The following CSNK1G1 variants were observed in gnomAD, a reference collection of about 807,000 sequenced individuals.
The protein encoded by CSNK1G1 is casein kinase 1 gamma 1.
In CSNK1G1, 22 loss-of-function variants were observed where a neutral mutation model predicts 59.6. The ratio of observed to expected loss-of-function variants is 0.37; its 90% CI spans 0.26 to 0.53. CSNK1G1 has a LOEUF of 0.53. Among genes scored for constraint, CSNK1G1 ranks in the 20% least tolerant of loss-of-function variants. The pLI is 0.89. For synonymous variants in CSNK1G1, 179 were observed against 177.1 expected (o/e 1.01, Z -0.08); for missense variants, 384 against 519.5 (o/e 0.74, Z 2.54).
intron 2 of CSNK1G1, among the ~76,000 whole-genome samples, chr15:64,286,699 A>G (rs1386446751): frequency 2.0e-5 from 3 of 152,178 alleles, no homozygotes; most frequent in Non-Finnish European, 2.9e-5. Context: ...TGTTAAATGA[A>G]TAAATGGCTA....
intron 6 of CSNK1G1, among the ~76,000 whole-genome samples, chr15:64,208,840 C>A (rs1026189438): frequency 4.6e-5 from 7 of 151,956 alleles, no homozygotes; most frequent in African/African-American, 1.7e-4. Flanking sequence ...CCAGTCCATG[C>A]ATTCATTTTG....
At chr15:64,259,286 G>T (rs765003805) in intron 2 of CSNK1G1, 45 bp from the exon 3 acceptor site, 68 of 1,471,050 alleles carry the variant, frequency 4.6e-5, no homozygotes, top group Non-Finnish European at 6.1e-5. Context: ...CATTTATTCT[G>T]GGAAAAGCAA....
At position 64,179,876 on chromosome 15, in the gene CSNK1G1, T is replaced by C. The variant is rs576444545; in HGVS notation, c.1214+472A>G. 3.9e-5 allele frequency among the ~76,000 whole-genome samples: 6 copies of C among 152,328 alleles called. No individual in the cohort carries two copies. In the East Asian group the frequency reaches 9.6e-4, roughly 24 times the overall value. ...TGCAGACTATAATATTTTTCTTGCC[T>C]GACTTAGTCTCTCTGAAGCCAGAAT... On this transcript the variant is annotated intron_variant, in intron 11 of 11. Coordinates refer to ENST00000303052, the MANE Select transcript of CSNK1G1 (RefSeq NM_022048.5).
Position 64,297,262 on chromosome 15 carries a change from A to C in CSNK1G1, c.181+3057T>G, listed in dbSNP as rs1338764042. Among the ~76,000 whole-genome samples, 3 of 152,056 alleles carry C rather than the reference A, an allele frequency of 2.0e-5. No individual in the cohort carries two copies. The South Asian group carries it at 6.2e-4, about 32-fold the overall frequency. ...GCTAGAGAAGAAACGTGCTATTTTA[A>C]ATGAGAATGAGGAACAAGTGATAGA... On this transcript the variant is annotated intron_variant, in intron 2 of 11. Transcript: ENST00000303052.
rs985907506 is a variant in CSNK1G1 at position 64,232,485 on chromosome 15, T to C, written c.293-15772A>G. On this transcript the variant is annotated intron_variant, in intron 4 of 11. Transcript: ENST00000303052. Reference sequence around the variant, plus strand: ...CTAGTTAAGTTTTAATATAATACAGTAGATACATAATTCTGCCTTCTCATA... The same window carrying C: ...CTAGTTAAGTTTTAATATAATACAGCAGATACATAATTCTGCCTTCTCATA... Among the ~76,000 whole-genome samples the C allele has an allele frequency of 2.0e-5, 3 of 152,224 alleles. No homozygotes were observed. The South Asian group carries it at 6.2e-4, about 32-fold the overall frequency.
At chr15:64,182,764 C>T (rs1467913381) in intron 10 of CSNK1G1, among the ~76,000 whole-genome samples, 1 of 152,132 alleles carries the variant, frequency 6.6e-6, no homozygotes, top group African/African-American at 2.4e-5. Context: ...CTTAATAATT[C>T]GTTCAGCAAG....
At chr15:64,238,069 G>A (rs1050349654) in intron 4 of CSNK1G1, among the ~76,000 whole-genome samples, 7 of 152,052 alleles carry the variant, frequency 4.6e-5, no homozygotes, top group Non-Finnish European at 1.0e-4. Flanking sequence ...TGGAAGTAAC[G>A]AAGGCAGCCT....
rs1013110536 is a variant in CSNK1G1, at chr15:64,333,777, A to G, written c.-225+22211T>C. On this transcript the variant is annotated intron_variant, in intron 1 of 11. Coordinates refer to ENST00000303052, the MANE Select transcript of CSNK1G1 (RefSeq NM_022048.5). ...GCTGTTCTTACATCAGATAAAACAG[A>G]CTTTAAAGAAACAACAGTTTAAAAA... is the stretch of plus-strand genomic sequence containing the variant. Among the ~76,000 whole-genome samples, 4 of 152,344 alleles carry G rather than the reference A, an allele frequency of 2.6e-5. No individual in the cohort carries two copies. In the East Asian group the frequency reaches 5.8e-4, roughly 22 times the overall value.
At chr15:64,279,531 T>C (rs1330468963) in intron 2 of CSNK1G1, among the ~76,000 whole-genome samples, 1 of 152,238 alleles carries the variant, frequency 6.6e-6, no homozygotes, top group Non-Finnish European at 1.5e-5. Context: ...TGTCCTACTG[T>C]TGATGGACAT....
chr15:64,309,393 G>C (rs570104316), intron 1 of CSNK1G1, among the ~76,000 whole-genome samples: 58 of 151,476 alleles, frequency 3.8e-4, no homozygotes, highest in Middle Eastern at 3.4e-3. Context: ...CCAATGAACA[G>C]ATCTCACAAG....
At chr15:64,266,696 CAG>C (rs1465044645) in intron 2 of CSNK1G1, among the ~76,000 whole-genome samples, 1 of 152,134 alleles carries the variant, frequency 6.6e-6, no homozygotes, top group East Asian at 1.9e-4. Context: ...ATAGAGAACT[CAG>C]AAATAAATCT....
intron 1 of CSNK1G1, among the ~76,000 whole-genome samples, chr15:64,341,557 C>T (rs1225302954): frequency 6.6e-6 from 1 of 152,200 alleles, no homozygotes; most frequent in Non-Finnish European, 1.5e-5. Flanking sequence ...ACTGCAGCCT[C>T]AAACTCCTGG....
intron 1 of CSNK1G1, among the ~76,000 whole-genome samples, chr15:64,330,654 T>G (rs556605151): frequency 1.1e-5 from 1 of 89,664 alleles, no homozygotes; most frequent in Non-Finnish European, 2.2e-5. Context: ...CTATTCAACA[T>G]AGTGTTGGAA....
intron 2 of CSNK1G1, among the ~76,000 whole-genome samples, chr15:64,294,912 CAAA>C (rs937758323): frequency 5.7e-4 from 29 of 51,166 alleles, no homozygotes; most frequent in Non-Finnish European, 1.0e-3. Flanking sequence ...AACTTCGTCT[CAAA>C]AAAAAAAAAA....
At chr15:64,288,987 C>CA (rs1363594298) in intron 2 of CSNK1G1, among the ~76,000 whole-genome samples, 1 of 151,876 alleles carries the variant, frequency 6.6e-6, no homozygotes, top group East Asian at 1.9e-4. Flanking sequence ...CCAGCCTGAC[C>CA]AACATGGCGA....
intron 1 of CSNK1G1, among the ~76,000 whole-genome samples, chr15:64,352,305 C>CA (rs1057197516): frequency 1.0e-4 from 15 of 148,156 alleles, no homozygotes; most frequent in African/African-American, 3.2e-4. Context: ...GACTCCATCT[C>CA]AAAAAAAAAG....
At chr15:64,277,550 TA>T (rs2140358968) in intron 2 of CSNK1G1, among the ~76,000 whole-genome samples, 1 of 134,930 alleles carries the variant, frequency 7.4e-6, no homozygotes, top group South Asian at 2.4e-4. Context: ...TTATTAATAT[TA>T]AAATAATAAA....
At chr15:64,304,531 T>C (rs1457774526) in intron 1 of CSNK1G1, among the ~76,000 whole-genome samples, 2 of 152,176 alleles carry the variant, frequency 1.3e-5, no homozygotes, top group Non-Finnish European at 2.9e-5. Flanking sequence ...AACTGCTCAA[T>C]TATAAACTGC....
At chr15:64,303,434 C>G (rs1050613150) in intron 1 of CSNK1G1, among the ~76,000 whole-genome samples, 4 of 150,904 alleles carry the variant, frequency 2.7e-5, no homozygotes, top group Non-Finnish European at 5.9e-5. Flanking sequence ...GGGCAACATA[C>G]GGAGACCCCA....
Sources: allele counts gnomAD v4.1 joint callset (sites outside exome capture counted in the v4.1 genomes callset), GRCh38; gene constraint gnomAD v4.1.1; transcripts MANE v1.5; gene names NCBI Gene and HGNC (gene_info 2026-07-23, HGNC 2026-07-21).